ACACA: variants seen among roughly 807,000 people sequenced by gnomAD.
ACACA encodes acetyl-CoA carboxylase alpha.
A neutral mutation model predicts 296.1 loss-of-function variants in ACACA; 103 were observed. The ratio of observed to expected loss-of-function variants is 0.35; its 90% confidence interval spans 0.30 to 0.41. The LOEUF (loss-of-function observed/expected upper bound fraction) is 0.41, where lower values mean the gene tolerates loss of function less well. Among genes scored for constraint, ACACA ranks in the 10% least tolerant of loss-of-function variants. ACACA has a pLI of 1.00. For synonymous variants in ACACA, 953 were observed against 1,038.6 expected (o/e 0.92, Z 1.58); for missense variants, 1,554 against 2,989.7 (o/e 0.52, Z 11.20).
chr17:37,216,463 G>A (rs1057455804), intron 29 of ACACA, among the ~76,000 whole-genome samples: 1 of 151,902 alleles, frequency 6.6e-6, no homozygotes. Context: ...CTCGACTGAT[G>A]CACACCTAGC....
At chr17:37,348,690 G>GCTAT (rs1190113432) in intron 1 of ACACA, among the ~76,000 whole-genome samples, 42 of 152,174 alleles carry the variant, frequency 2.8e-4, no homozygotes, top group Non-Finnish European at 1.8e-4. Context: ...AAACACCAAT[G>GCTAT]CTATACGGGC....
At chr17:37,306,924 C>T (rs542641365) in intron 3 of ACACA, among the ~76,000 whole-genome samples, 63 of 152,128 alleles carry the variant, frequency 4.1e-4, no homozygotes, top group African/African-American at 1.3e-3. Context: ...TCTTGAACTC[C>T]TGGCCTCAAC....
chr17:37,203,973 C>T (rs182150295), intron 33 of ACACA, among the ~76,000 whole-genome samples: 7 of 152,284 alleles, frequency 4.6e-5, no homozygotes, highest in South Asian at 4.1e-4. Flanking sequence ...GCTACAACAC[C>T]GTCATGGAAT....
intron 45 of ACACA, among the ~76,000 whole-genome samples, chr17:37,142,791 T>C (rs1262711677): frequency 6.6e-6 from 1 of 152,248 alleles, no homozygotes; most frequent in Non-Finnish European, 1.5e-5. Context: ...CCAAAGTGCG[T>C]TGATTGTTGC....
chr17:37,248,246 A>G (rs956532950), intron 17 of ACACA, 90 bp from the exon 18 acceptor site: 1 of 1,498,604 alleles, frequency 6.7e-7, no homozygotes, highest in African/African-American at 1.4e-5. Flanking sequence ...GATAAGAAAG[A>G]TCTGTCAGGA....
Position 37,330,223 on chromosome 17 carries a change from G to C in ACACA, c.288C>G (p.Leu96=). ...LSPASVGSDT[L]SDLGISSLQD... is the part of the protein sequence containing the mutation. ...GTAGGCTAGAGATCCCCAAATCAGA[G>C]AGTGTATCTGAGCCAACAGAAGCAG... Residue 96 remains leucine (L), a synonymous_variant, in exon 3 of 56, where the codon CTC becomes CTG. Transcript: ENST00000616317. 2.5e-6 allele frequency: 4 copies of C among 1,614,146 alleles called. No individual in the cohort carries two copies. The highest frequency in any genetic ancestry group is 2.5e-6 in the Non-Finnish European group (3 of 1,180,008).
At chr17:37,296,903 G>A (rs2083363646) in intron 3 of ACACA, among the ~76,000 whole-genome samples, 2 of 150,538 alleles carry the variant, frequency 1.3e-5, no homozygotes, top group African/African-American at 4.9e-5. Flanking sequence ...TTTTAGTAGA[G>A]ATGGAGTTTC....
rs184936648 is a variant in ACACA, at chr17:37,165,622, C to A, written c.5080-3572G>T. Among the ~76,000 whole-genome samples, 18 of 152,218 alleles carry A rather than the reference C, an allele frequency of 1.2e-4. No individual in the cohort carries two copies. The East Asian group carries it at 3.5e-3, about 29-fold the overall frequency. Reference sequence around the variant, plus strand: ...ATTTCCTCAGTAAAGCTTCTCCCAGCCTAAAGTAATTCCTATCTTTTCTGA... The same window carrying A: ...ATTTCCTCAGTAAAGCTTCTCCCAGACTAAAGTAATTCCTATCTTTTCTGA... On this transcript the variant is annotated intron_variant, in intron 41 of 55. Transcript: ENST00000616317.
At chr17:37,370,398 GCA>G (rs1440371709) in intron 1 of ACACA, among the ~76,000 whole-genome samples, 1 of 149,928 alleles carries the variant, frequency 6.7e-6, no homozygotes, top group Non-Finnish European at 1.5e-5. Context: ...TGTAATCCTA[GCA>G]CTTTGGGAGG....
At chr17:37,143,967 G>T in intron 45 of ACACA, 1 of 930,146 alleles carries the variant, frequency 1.1e-6, no homozygotes, top group East Asian at 2.4e-5. Context: ...TGATTTTTGG[G>T]CGATACTCAG....
chr17:37,111,490 T>C, intron 52 of ACACA, 41 bp downstream of exon 52: 1 of 1,462,778 alleles, frequency 6.8e-7, no homozygotes, highest in Non-Finnish European at 9.6e-7. Flanking sequence ...ACAAATCAGC[T>C]GAATGGCTCA....
chr17:37,185,401 T>TC (rs774496183), intron 39 of ACACA, among the ~76,000 whole-genome samples: 1 of 136,300 alleles, frequency 7.3e-6, no homozygotes, highest in South Asian at 2.5e-4. Flanking sequence ...CCTGGCTATT[T>TC]CTTTTTTTTT....
At chr17:37,254,364 T>G (rs1212465511) in intron 14 of ACACA, among the ~76,000 whole-genome samples, 1 of 152,158 alleles carries the variant, frequency 6.6e-6, no homozygotes, top group Non-Finnish European at 1.5e-5. Context: ...AAAATATTAT[T>G]CTGTTGCCCA....
At chr17:37,212,471 G>A (rs1305050681) in intron 29 of ACACA, among the ~76,000 whole-genome samples, 13 of 152,076 alleles carry the variant, frequency 8.5e-5, no homozygotes, top group Admixed American at 8.5e-4. Flanking sequence ...AATTTTTAAA[G>A]GAATGGTCCC....
chr17:37,269,837 G>C (rs2081990201), intron 10 of ACACA, among the ~76,000 whole-genome samples: 1 of 151,566 alleles, frequency 6.6e-6, no homozygotes, highest in African/African-American at 2.4e-5. Flanking sequence ...AGATGATGAG[G>C]AAACTATGAA....
At chr17:37,161,225 A>G (rs1178314920) in intron 42 of ACACA, among the ~76,000 whole-genome samples, 2 of 152,176 alleles carry the variant, frequency 1.3e-5, no homozygotes, top group Non-Finnish European at 1.5e-5. Context: ...AGATTCAAAG[A>G]TGGGATTTTT....
chr17:37,183,085 C>T (rs1231733397), intron 39 of ACACA, among the ~76,000 whole-genome samples: 5 of 152,172 alleles, frequency 3.3e-5, no homozygotes, highest in South Asian at 2.1e-4. Context: ...GAAAACTGTA[C>T]TCAGAGCAAG....
chr17:37,202,668 CATATATATATATATAT>C (rs1179497445), intron 33 of ACACA, among the ~76,000 whole-genome samples: 2 of 71,188 alleles, frequency 2.8e-5, no homozygotes, highest in African/African-American at 5.0e-5. Context: ...CCTTTTCTTT[CATATATATATATATAT>C]ATATATATAT....
chr17:37,151,503 C>A, intron 43 of ACACA, 82 bp from the exon 44 acceptor site: 1 of 1,553,632 alleles, frequency 6.4e-7, no homozygotes, highest in Non-Finnish European at 8.8e-7. Flanking sequence ...CAATAAAAGG[C>A]GGCTAAAAGT....
Sources: gnomAD v4.1 joint callset for allele counts (sites outside exome capture counted in the v4.1 genomes callset) on GRCh38, gnomAD v4.1.1 for gene constraint, MANE v1.5 for transcripts, NCBI Gene and HGNC (gene_info 2026-07-23, HGNC 2026-07-21) for gene names.